Variants in CTNND2 observed in about 807,000 individuals in gnomAD.
The protein encoded by CTNND2 is catenin delta-2.
Under a neutral mutation model 144.4 loss-of-function variants are expected in CTNND2, and 22 were observed. That is an observed-to-expected ratio of 0.15 (90% CI 0.11 to 0.22). The LOEUF (loss-of-function observed/expected upper bound fraction) is 0.22. Ranked by LOEUF, CTNND2 falls within the 10% of genes least tolerant of loss-of-function variation. CTNND2 has a pLI of 1.00. For missense variants in CTNND2, 1,353 were observed against 1,618.8 expected (o/e 0.84, Z 2.82); for synonymous variants, 751 against 695.6 (o/e 1.08, Z -1.25).
chr5:11,329,258 C>T (rs1409347550), intron 9 of CTNND2, among the ~76,000 whole-genome samples: 1 of 152,114 alleles, frequency 6.6e-6, no homozygotes, highest in African/African-American at 2.4e-5. Flanking sequence ...TGGGTTCAAG[C>T]GATTCTCCTG....
At chr5:11,164,884 A>C (rs577438217) in intron 11 of CTNND2, among the ~76,000 whole-genome samples, 44 of 152,292 alleles carry the variant, frequency 2.9e-4, no homozygotes, top group African/African-American at 1.0e-3. Flanking sequence ...CCCAGGCATA[A>C]AATGAAAGCA....
intron 2 of CTNND2, among the ~76,000 whole-genome samples, chr5:11,687,651 T>C (rs1168987626): frequency 1.5e-4 from 23 of 152,126 alleles, no homozygotes; most frequent in Admixed American, 1.3e-3. Flanking sequence ...ACACAGATAA[T>C]ATCTGTAGGC....
intron 9 of CTNND2, among the ~76,000 whole-genome samples, chr5:11,328,294 T>C (rs1752739878): frequency 6.6e-6 from 1 of 151,682 alleles, no homozygotes. Flanking sequence ...AAATTCTTTT[T>C]TTTTTTTTTT....
At chr5:11,435,994 G>A (rs1763737169) in intron 3 of CTNND2, among the ~76,000 whole-genome samples, 1 of 152,098 alleles carries the variant, frequency 6.6e-6, no homozygotes, top group Non-Finnish European at 1.5e-5. Context: ...ATAACTAGGA[G>A]CGTTGAGATA....
chr5:11,775,439 A>G (rs1157038716), intron 1 of CTNND2, among the ~76,000 whole-genome samples: 1 of 152,222 alleles, frequency 6.6e-6, no homozygotes, highest in Non-Finnish European at 1.5e-5. Context: ...AAGCACAGGA[A>G]GGTTCCGTAA....
At chr5:11,552,698 C>G (rs533847883) in intron 3 of CTNND2, among the ~76,000 whole-genome samples, 2 of 152,184 alleles carry the variant, frequency 1.3e-5, no homozygotes, top group East Asian at 3.8e-4. Context: ...GCTATACCCC[C>G]CTTCCTTTTC....
At chr5:11,762,041 TTTAG>T (rs1357790938) in intron 1 of CTNND2, among the ~76,000 whole-genome samples, 1 of 152,190 alleles carries the variant, frequency 6.6e-6, no homozygotes, top group African/African-American at 2.4e-5. Flanking sequence ...TTCTATCATA[TTTAG>T]TTTCTATTAT....
chr5:11,067,911 C>T (rs191820438), intron 16 of CTNND2, among the ~76,000 whole-genome samples: 2,304 of 152,216 alleles, frequency 0.015, 29 homozygotes, highest in Non-Finnish European at 0.024. Context: ...TTCCTACTCT[C>T]TCTATATATA....
intron 14 of CTNND2, among the ~76,000 whole-genome samples, chr5:11,105,336 G>C (rs561995999): frequency 3.2e-4 from 49 of 152,358 alleles, no homozygotes; most frequent in African/African-American, 8.7e-4. Flanking sequence ...GTCTCAACCA[G>C]GGCAATTTTA....
intron 2 of CTNND2, among the ~76,000 whole-genome samples, chr5:11,723,972 G>A (rs1467304754): frequency 6.6e-6 from 1 of 151,864 alleles, no homozygotes; most frequent in South Asian, 2.1e-4. Context: ...GAAGAATGGT[G>A]TGAACCCGGG....
chr5:11,196,713 T>G (rs1174672733), intron 11 of CTNND2, among the ~76,000 whole-genome samples: 1 of 152,198 alleles, frequency 6.6e-6, no homozygotes, highest in Non-Finnish European at 1.5e-5. Context: ...AATGTGGACA[T>G]GTTTGTCAGG....
At chr5:11,201,633 G>A (rs1737447594) in intron 10 of CTNND2, among the ~76,000 whole-genome samples, 1 of 152,200 alleles carries the variant, frequency 6.6e-6, no homozygotes, top group Non-Finnish European at 1.5e-5. Flanking sequence ...TGGAAACCAT[G>A]AATGCAGCGT....
chr5:11,431,547 C>T (rs73046153), intron 3 of CTNND2, among the ~76,000 whole-genome samples: 3,514 of 152,182 alleles, frequency 0.023, 127 homozygotes, highest in African/African-American at 0.079. Flanking sequence ...TTCATATGAC[C>T]GAATGCTTCT....
intron 3 of CTNND2, among the ~76,000 whole-genome samples, chr5:11,492,900 G>A (rs185314895): frequency 2.3e-3 from 355 of 152,028 alleles, no homozygotes; most frequent in African/African-American, 8.4e-3. Flanking sequence ...GTGAAACCCT[G>A]TCTCTACTTA....
intron 13 of CTNND2, among the ~76,000 whole-genome samples, chr5:11,116,958 C>T (rs1753606280): frequency 1.3e-5 from 2 of 151,948 alleles, no homozygotes; most frequent in African/African-American, 4.8e-5. Flanking sequence ...ACTCAGGAGG[C>T]TGAAGCAGGA....
At chr5:11,359,601 T>A (rs1756239249) in intron 8 of CTNND2, among the ~76,000 whole-genome samples, 1 of 152,020 alleles carries the variant, frequency 6.6e-6, no homozygotes, top group Non-Finnish European at 1.5e-5. Context: ...CCTCTTGGAG[T>A]CCTCGGGCAG....
intron 17 of CTNND2, among the ~76,000 whole-genome samples, chr5:11,021,938 G>T (rs1015759013): frequency 6.6e-6 from 1 of 152,088 alleles, no homozygotes. Flanking sequence ...TTTAATTAAG[G>T]TTAGTGAAGG....
chr5:11,674,185 A>G (rs1226320767), intron 2 of CTNND2, among the ~76,000 whole-genome samples: 1 of 152,222 alleles, frequency 6.6e-6, no homozygotes, highest in Non-Finnish European at 1.5e-5. Context: ...TTTAAAGTGA[A>G]ACCATATCTA....
intron 3 of CTNND2, among the ~76,000 whole-genome samples, chr5:11,550,692 C>T (rs910400786): frequency 2.6e-5 from 4 of 152,194 alleles, no homozygotes; most frequent in Non-Finnish European, 5.9e-5. Flanking sequence ...TTCTTCTCTG[C>T]CTGCTGCTAA....
Sources: gnomAD v4.1 joint callset for allele counts (sites outside exome capture counted in the v4.1 genomes callset) on GRCh38, gnomAD v4.1.1 for gene constraint, MANE v1.5 for transcripts, NCBI Gene and HGNC (gene_info 2026-07-23, HGNC 2026-07-21) for gene names.